The following ITGA9 variants were observed in gnomAD, a reference collection of about 807,000 sequenced individuals.
The protein encoded by ITGA9 is integrin alpha-9.
ITGA9 carries 56 observed loss-of-function variants against 127.8 expected under a neutral mutation model. That is an observed-to-expected ratio of 0.44 (90% CI 0.35 to 0.55). ITGA9 has a LOEUF of 0.55. Ranked by LOEUF, ITGA9 falls within the 20% of genes least tolerant of loss-of-function variation. The probability of loss-of-function intolerance (pLI) is 0.00; values close to 1 mark genes in which losing one functional copy is unlikely to be tolerated. For missense variants in ITGA9, 1,196 were observed against 1,347.1 expected, an observed-to-expected ratio of 0.89 and a Z score of 1.76; for synonymous variants, 508 against 514.5, an observed-to-expected ratio of 0.99 and a Z score of 0.17.
chr3:37,747,877 C>T (rs893051432), intron 22 of ITGA9, among the ~76,000 whole-genome samples: 2 of 152,074 alleles, frequency 1.3e-5, no homozygotes, highest in African/African-American at 2.4e-5. Context: ...TAGAGTTACA[C>T]ACCACCACGC....
At chr3:37,533,215 G>C in intron 13 of ITGA9, 99 bp from the exon 14 acceptor site, 15 of 1,070,134 alleles carry the variant, frequency 1.4e-5, no homozygotes, top group Non-Finnish European at 2.2e-5. Flanking sequence ...TTAAATGCTG[G>C]GTTGAAGGCC....
At chr3:37,527,952 A>AT (rs557428113) in intron 13 of ITGA9, among the ~76,000 whole-genome samples, 140 of 152,004 alleles carry the variant, frequency 9.2e-4, no homozygotes, top group Admixed American at 1.4e-3. Flanking sequence ...CACCTGGCTA[A>AT]TTTTTTAATA....
chr3:37,610,794 G>T (rs1700008837), intron 15 of ITGA9, among the ~76,000 whole-genome samples: 1 of 152,184 alleles, frequency 6.6e-6, no homozygotes, highest in Non-Finnish European at 1.5e-5. Context: ...CTCAGTGTCT[G>T]TCTCTGTTAT....
At chr3:37,593,918 C>T (rs564427662) in intron 15 of ITGA9, among the ~76,000 whole-genome samples, 152 of 152,088 alleles carry the variant, frequency 1.0e-3, no homozygotes, top group Non-Finnish European at 1.8e-3. Flanking sequence ...GATATGATGC[C>T]CAGAAGGGCT....
intron 20 of ITGA9, among the ~76,000 whole-genome samples, chr3:37,740,390 G>C (rs1424258978): frequency 6.6e-6 from 1 of 152,178 alleles, no homozygotes; most frequent in Non-Finnish European, 1.5e-5. Context: ...TTTTCCCAAG[G>C]AATAATGATC....
In ITGA9 at chr3:37,597,733, A is replaced by G. The variant is rs1010114857; in HGVS notation, c.1690-31454A>G. 1.3e-5 allele frequency among the ~76,000 whole-genome samples: 2 copies of G among 152,266 alleles called. No homozygotes were observed. Among genetic ancestry groups the G allele is most frequent in the African/African-American group, 4.8e-5 (2 of 41,476 alleles). Reference sequence around the variant, plus strand: ...AACAAACTCAAAACTTCAGTGGCATACAATACAAAGCATATAGTTTGTGCA... The same window carrying G: ...AACAAACTCAAAACTTCAGTGGCATGCAATACAAAGCATATAGTTTGTGCA... On this transcript the variant is annotated intron_variant, in intron 15 of 27. Transcript: ENST00000264741. The surrounding 1 kb of genome is among the most constrained non-coding windows in gnomAD (Gnocchi z 4.6).
At chr3:37,533,140 A>C (rs1477592742) in intron 13 of ITGA9, among the ~76,000 whole-genome samples, 174 bp from the exon 14 acceptor site, 1 of 152,190 alleles carries the variant, frequency 6.6e-6, no homozygotes, top group Non-Finnish European at 1.5e-5. Context: ...TGCCCCTTCT[A>C]AAACCAGAAA....
intron 14 of ITGA9, among the ~76,000 whole-genome samples, chr3:37,535,877 G>T (rs976658434): frequency 2.0e-5 from 3 of 152,204 alleles, no homozygotes; most frequent in African/African-American, 7.2e-5. Context: ...CTCAATCTTT[G>T]CAGTAGAAAG....
At chr3:37,563,510 C>T (rs1699515689) in intron 15 of ITGA9, among the ~76,000 whole-genome samples, 1 of 152,200 alleles carries the variant, frequency 6.6e-6, no homozygotes, top group South Asian at 2.1e-4. Flanking sequence ...GGTGGATAAT[C>T]CCACCTCCCC....
Position 37,480,126 on chromosome 3 carries a change from G to T in ITGA9, c.421-1358G>T, listed in dbSNP as rs573911082. Among the ~76,000 whole-genome samples the T allele has an allele frequency of 1.7e-3, 255 of 152,210 alleles. 8 individuals carry two copies. The South Asian group carries it at 0.051, about 30-fold the overall frequency. On this transcript the variant is annotated intron_variant, in intron 3 of 27. Coordinates refer to ENST00000264741, the MANE Select transcript of ITGA9 (RefSeq NM_002207.3). Reference sequence around the variant, plus strand: ...GGCAGGGTAGAGTGTGTGCCTCTGAGTAAGCAGCTCGGCTCTTCATCAGCA... The same window carrying T: ...GGCAGGGTAGAGTGTGTGCCTCTGATTAAGCAGCTCGGCTCTTCATCAGCA...
At chr3:37,552,222 G>A (rs1033214477) in intron 15 of ITGA9, among the ~76,000 whole-genome samples, 13 of 152,176 alleles carry the variant, frequency 8.5e-5, no homozygotes, top group African/African-American at 3.1e-4. Context: ...TTTTCTGAGG[G>A]CCCGTCATGT....
chr3:37,567,638 G>A (rs1181805113), intron 15 of ITGA9, among the ~76,000 whole-genome samples: 2 of 152,138 alleles, frequency 1.3e-5, no homozygotes, highest in African/African-American at 4.8e-5. Flanking sequence ...TAGGCATAAG[G>A]TAAATACACT....
chr3:37,780,934 G>A (rs1696969408), intron 25 of ITGA9, among the ~76,000 whole-genome samples: 1 of 152,156 alleles, frequency 6.6e-6, no homozygotes, highest in Non-Finnish European at 1.5e-5. Context: ...GGTAGATAAT[G>A]CCAGGGTAAA....
chr3:37,633,844 C>CCA (rs1353057124), intron 16 of ITGA9, among the ~76,000 whole-genome samples: 1 of 152,154 alleles, frequency 6.6e-6, no homozygotes, highest in African/African-American at 2.4e-5. Context: ...AAGTATTGTA[C>CCA]CACATATTGC....
intron 15 of ITGA9, among the ~76,000 whole-genome samples, chr3:37,624,393 G>A (rs1296733364): frequency 6.6e-6 from 1 of 151,576 alleles, no homozygotes; most frequent in East Asian, 1.9e-4. Context: ...GGCAGATGAG[G>A]TCCCCTCTTC....
At chr3:37,684,055 C>A (rs549714668) in intron 18 of ITGA9, 40 bp downstream of exon 18, 2 of 1,572,386 alleles carry the variant, frequency 1.3e-6, no homozygotes, top group South Asian at 2.2e-5. Flanking sequence ...GTTGTTCCAT[C>A]TGGTGCGCTT....
chr3:37,579,171 G>C (rs947176188), intron 15 of ITGA9, among the ~76,000 whole-genome samples: 2 of 152,092 alleles, frequency 1.3e-5, no homozygotes, highest in African/African-American at 2.4e-5. Context: ...ATGGTCACAT[G>C]GTGCCACCAC....
At chr3:37,577,401 G>A (rs1248344466) in intron 15 of ITGA9, among the ~76,000 whole-genome samples, 1 of 152,174 alleles carries the variant, frequency 6.6e-6, no homozygotes. Context: ...TGAGAGTGGT[G>A]TTGGCACCTT....
At chr3:37,641,314 C>T (rs1229330980) in intron 16 of ITGA9, among the ~76,000 whole-genome samples, 1 of 152,140 alleles carries the variant, frequency 6.6e-6, no homozygotes, top group Non-Finnish European at 1.5e-5. Context: ...ACCGCCCGTT[C>T]ATGGAAAAAT....
Sources: allele counts gnomAD v4.1 joint callset (sites outside exome capture counted in the v4.1 genomes callset), GRCh38; gene constraint gnomAD v4.1.1; non-coding constraint Gnocchi (gnomAD v3.1); transcripts MANE v1.5; gene names NCBI Gene and HGNC (gene_info 2026-07-23, HGNC 2026-07-21).